Variants in SHQ1 observed in about 807,000 individuals in gnomAD.
The protein encoded by SHQ1 is protein SHQ1 homolog.
A neutral mutation model predicts 53.8 loss-of-function variants in SHQ1; 49 were observed. That is an observed-to-expected ratio of 0.91 (90% CI 0.72 to 1.16). The LOEUF is 1.16. Ranked by LOEUF, SHQ1 falls within the 50% of genes most tolerant of loss-of-function variation. The pLI is 0.00. For missense variants in SHQ1, 738 were observed against 683.1 expected, an observed-to-expected ratio of 1.08 and a Z score of -0.90; for synonymous variants, 243 against 251.0, an observed-to-expected ratio of 0.97 and a Z score of 0.30.
chr3:72,754,506 C>T (rs1360837391), intron 10 of SHQ1, among the ~76,000 whole-genome samples: 2 of 152,046 alleles, frequency 1.3e-5, no homozygotes, highest in East Asian at 1.9e-4. Flanking sequence ...CTCCGCCTCC[C>T]GAGTAGCTGG....
chr3:72,817,485 A>G (rs1341347986), intron 6 of SHQ1, 101 bp from the exon 7 acceptor site: 2 of 1,145,152 alleles, frequency 1.7e-6, no homozygotes, highest in African/African-American at 3.1e-5. Context: ...AGAAACTGAA[A>G]TAAAAGTTCT....
intron 10 of SHQ1, among the ~76,000 whole-genome samples, chr3:72,775,956 A>C (rs1384493507): frequency 1.3e-5 from 2 of 152,240 alleles, no homozygotes; most frequent in Non-Finnish European, 2.9e-5. Flanking sequence ...CATTTTCTTA[A>C]AGATAAAGAA....
chr3:72,807,050 A>G (rs938970478), intron 9 of SHQ1, among the ~76,000 whole-genome samples: 1 of 152,232 alleles, frequency 6.6e-6, no homozygotes, highest in African/African-American at 2.4e-5. Flanking sequence ...GTAGGCATAC[A>G]TTCAAAATAT....
rs146256896 is a variant in SHQ1, at chr3:72,835,896, T to C, written c.487-3415A>G. Among the ~76,000 whole-genome samples the C allele has an allele frequency of 2.5e-3, 381 of 152,310 alleles. 2 individuals are homozygous for C. Among genetic ancestry groups the C allele is most frequent in the African/African-American group, 8.9e-3 (369 of 41,566 alleles). On this transcript the variant is annotated intron_variant, in intron 4 of 10. Coordinates refer to ENST00000325599, the MANE Select transcript of SHQ1 (RefSeq NM_018130.3). The stretch of plus-strand genomic sequence containing the variant: ...CCCAGTCTTTCACCTCACCCCATCC[T>C]TTCCCTTTACCTGTAACTATCTGTC...
At chr3:72,791,841 C>A (rs983898018) in intron 10 of SHQ1, among the ~76,000 whole-genome samples, 1 of 152,158 alleles carries the variant, frequency 6.6e-6, no homozygotes, top group African/African-American at 2.4e-5. Context: ...CATGAACCAA[C>A]ATGCCTGGCC....
the SHQ1 span, among the ~76,000 whole-genome samples, chr3:72,730,419 A>AG: frequency 6.6e-6 from 1 of 152,214 alleles, no homozygotes; most frequent in African/African-American, 2.4e-5. Flanking sequence ...AGGTTTAAAA[A>AG]TTCTTTAAAA....
chr3:72,729,277 G>T, the SHQ1 span, among the ~76,000 whole-genome samples: 1 of 152,160 alleles, frequency 6.6e-6, no homozygotes, highest in African/African-American at 2.4e-5. Context: ...TGATTTCAAC[G>T]TGAGTCACAG....
chr3:72,837,814 A>G (rs17010215), intron 4 of SHQ1, among the ~76,000 whole-genome samples: 33,204 of 152,196 alleles, frequency 0.22, 3,836 homozygotes, highest in Non-Finnish European at 0.24. Flanking sequence ...CGGCTGCCAT[A>G]AACAGCAGCT....
chr3:72,844,837 A>C (rs1217665370), intron 1 of SHQ1, among the ~76,000 whole-genome samples: 3 of 152,232 alleles, frequency 2.0e-5, no homozygotes, highest in African/African-American at 4.8e-5. Flanking sequence ...GTCAAAAAGC[A>C]GTCAAAACTT....
chr3:72,803,646 A>G (rs1416930179), intron 9 of SHQ1, among the ~76,000 whole-genome samples: 1 of 152,200 alleles, frequency 6.6e-6, no homozygotes, highest in African/African-American at 2.4e-5. Context: ...AAAGAGATAG[A>G]AAGTAAATAT....
intron 10 of SHQ1, among the ~76,000 whole-genome samples, chr3:72,765,933 G>T (rs976326440): frequency 3.3e-5 from 5 of 152,044 alleles, no homozygotes; most frequent in African/African-American, 1.2e-4. Flanking sequence ...TTATATTCTT[G>T]TGTAAGAAAA....
chr3:72,748,940 G>GT (rs1248644063), downstream of SHQ1, among the ~76,000 whole-genome samples: 3 of 150,184 alleles, frequency 2.0e-5, no homozygotes, highest in African/African-American at 2.5e-5. Flanking sequence ...GGGAGACAGC[G>GT]TAAGACCCTG....
chr3:72,777,533 C>G (rs1330749532), intron 10 of SHQ1, among the ~76,000 whole-genome samples: 1 of 152,164 alleles, frequency 6.6e-6, no homozygotes, highest in Non-Finnish European at 1.5e-5. Context: ...ATCGTAAAAT[C>G]TGAACCATGT....
At chr3:72,790,192 T>C (rs1353756341) in intron 10 of SHQ1, among the ~76,000 whole-genome samples, 2 of 152,192 alleles carry the variant, frequency 1.3e-5, no homozygotes, top group Non-Finnish European at 1.5e-5. Context: ...TTTGCAAATA[T>C]GCATTACAAG....
chr3:72,747,739 G>A (rs182060181), downstream of SHQ1, among the ~76,000 whole-genome samples: 127 of 152,326 alleles, frequency 8.3e-4, 1 homozygote, highest in Admixed American at 3.9e-4. Flanking sequence ...TGTAATCCCA[G>A]CACTTTGGGA....
At chr3:72,754,628 G>A (rs1023195062) in intron 10 of SHQ1, among the ~76,000 whole-genome samples, 1 of 152,010 alleles carries the variant, frequency 6.6e-6, no homozygotes, top group South Asian at 2.1e-4. Flanking sequence ...TGATCTGCCC[G>A]CCTAGGCCTT....
the SHQ1 span, among the ~76,000 whole-genome samples, chr3:72,741,395 G>C: frequency 6.6e-6 from 1 of 152,224 alleles, no homozygotes; most frequent in African/African-American, 2.4e-5. Context: ...AGACTAGCCT[G>C]GCCAACAAGG....
Position 72,824,553 on chromosome 3 carries a change from T to C in SHQ1, c.600-2A>G. On this transcript the variant is annotated splice_acceptor_variant, in intron 5 of 10. Coordinates refer to ENST00000325599, the MANE Select transcript of SHQ1 (RefSeq NM_018130.3). LOFTEE classifies it high-confidence loss of function. ...GCCTCATCTTCAAAAAAGTCAGCTC[T>C]AGGAAAAAACATTGAAAGAACTTAC... 6.2e-7 allele frequency: 1 copy of C among 1,606,280 alleles called. No individual in the cohort carries two copies. Among genetic ancestry groups the C allele is most frequent in the East Asian group, 2.2e-5 (1 of 44,602 alleles).
chr3:72,739,748 G>A, the SHQ1 span, among the ~76,000 whole-genome samples: 1 of 152,226 alleles, frequency 6.6e-6, no homozygotes, highest in African/African-American at 2.4e-5. Context: ...TGCAATGTCT[G>A]TGAAGGAAGA....
Sources: gnomAD v4.1 joint callset for allele counts (sites outside exome capture counted in the v4.1 genomes callset) on GRCh38, gnomAD v4.1.1 for gene constraint, MANE v1.5 for transcripts, NCBI Gene and HGNC (gene_info 2026-07-23, HGNC 2026-07-21) for gene names.